Variants in ATP10D observed in about 807,000 individuals in gnomAD.
The protein encoded by ATP10D is phospholipid-transporting ATPase VD.
In ATP10D, 89 loss-of-function variants were observed where a neutral mutation model predicts 144.8. The ratio of observed to expected loss-of-function variants is 0.61; its 90% CI spans 0.52 to 0.73. ATP10D has a LOEUF of 0.73. Ranked by LOEUF, ATP10D falls within the 30% of genes least tolerant of loss-of-function variation. The probability of loss-of-function intolerance (pLI) is 0.00; values close to 1 mark genes in which losing one functional copy is unlikely to be tolerated. For synonymous variants in ATP10D, 571 were observed against 615.1 expected (o/e 0.93, Z 1.06); for missense variants, 1,603 against 1,714.8 (o/e 0.93, Z 1.15).
intron 1 of ATP10D, among the ~76,000 whole-genome samples, chr4:47,502,548 AT>A (rs750663498): frequency 6.7e-6 from 1 of 148,624 alleles, no homozygotes; most frequent in Non-Finnish European, 1.5e-5. Context: ...CATCCATAAA[AT>A]ATATATATAT....
chr4:47,558,978 C>T lies in ATP10D; in HGVS notation c.2490C>T (p.His830=). ...QMIVREKTQK[H]LDDYAKQGLR... The stretch of plus-strand genomic sequence containing the variant: ...TAGTAAGGGAGAAAACCCAGAAGCA[C>T]TTGGATGACTATGCCAAACAAGGCC... The change falls in exon 13 of 23, where the codon CAC becomes CAT. Residue 830 remains histidine, a synonymous_variant. Coordinates refer to ENST00000273859, the MANE Select transcript of ATP10D (RefSeq NM_020453.4). The T allele has an allele frequency of 6.2e-7, 1 of 1,614,154 alleles. No individual in the cohort carries two copies. Among genetic ancestry groups the T allele is most frequent in the Middle Eastern group, 1.7e-4 (1 of 6,042 alleles).
chr4:47,491,496 A>C, intron 1 of ATP10D: 1 of 630,196 alleles, frequency 1.6e-6, no homozygotes, highest in South Asian at 1.6e-5. Flanking sequence ...GGTTCTGGCC[A>C]AAAGGAAGTG....
At chr4:47,583,586 G>A (rs1720635760) in intron 21 of ATP10D, among the ~76,000 whole-genome samples, 2 of 152,118 alleles carry the variant, frequency 1.3e-5, no homozygotes, top group Non-Finnish European at 2.9e-5. Context: ...TGAAATATTT[G>A]GGATTGTTTT....
chr4:47,512,773 C>T lies in ATP10D; in HGVS notation c.233C>T (p.Thr78Ile). 1 of 1,613,302 alleles carries T rather than the reference C, an allele frequency of 6.2e-7. No homozygotes were observed. The highest frequency in any genetic ancestry group is 8.5e-7 in the Non-Finnish European group (1 of 1,179,228). ...GCCTATGTGAACAATCGAATACGAA[C>T]AACAAAGTACACACTTCTGAATTTT... The part of the protein sequence containing the change: ...SGAYVNNRIR[T>I]TKYTLLNFVP... Residue 78 changes from threonine to isoleucine, a missense_variant, in exon 2 of 23, where the codon ACA becomes ATA. Coordinates refer to ENST00000273859, the MANE Select transcript of ATP10D (RefSeq NM_020453.4).
chr4:47,487,021 A>G (rs1239123626), intron 1 of ATP10D, among the ~76,000 whole-genome samples: 1 of 152,160 alleles, frequency 6.6e-6, no homozygotes, highest in Non-Finnish European at 1.5e-5. Context: ...ACCTGAGGTC[A>G]GGAGTTCGAG....
intron 22 of ATP10D, among the ~76,000 whole-genome samples, chr4:47,589,003 G>A (rs1379060122): frequency 2.6e-5 from 4 of 152,136 alleles, no homozygotes; most frequent in Non-Finnish European, 5.9e-5. Flanking sequence ...GAGACAAAGA[G>A]ATTAGTTATC....
chr4:47,535,767 A>C, intron 6 of ATP10D, 135 bp from the exon 7 acceptor site: 1 of 1,333,638 alleles, frequency 7.5e-7, no homozygotes, highest in Non-Finnish European at 1.0e-6. Context: ...ATGGATCACA[A>C]AAGCAGATTG....
intron 10 of ATP10D, among the ~76,000 whole-genome samples, chr4:47,550,045 G>A (rs1718653391): frequency 1.3e-5 from 2 of 151,308 alleles, no homozygotes; most frequent in Admixed American, 1.3e-4. Context: ...TTAAGCCAAA[G>A]TTGCAGTGGT....
At chr4:47,578,587 C>A (rs1329263501) in intron 19 of ATP10D, 1 of 152,132 alleles carries the variant, frequency 6.6e-6, no homozygotes, top group Non-Finnish European at 1.5e-5. Flanking sequence ...CTTTGAGCAA[C>A]CTCTCTCTCC....
At chr4:47,581,587 A>C (rs535346509) in intron 20 of ATP10D, among the ~76,000 whole-genome samples, 1 of 152,288 alleles carries the variant, frequency 6.6e-6, no homozygotes, top group African/African-American at 2.4e-5. Context: ...GGACTTGAAG[A>C]CATATAGGAA....
chr4:47,544,057 T>G (rs976079600), intron 9 of ATP10D, among the ~76,000 whole-genome samples: 2 of 152,180 alleles, frequency 1.3e-5, no homozygotes, highest in Non-Finnish European at 2.9e-5. Context: ...AAATTGGCCC[T>G]GTTAACATAT....
In ATP10D at chr4:47,552,333, C is replaced by T. The variant is rs142386073; in HGVS notation, c.1636-2393C>T. Reference sequence around the variant, plus strand: ...GGCTGCCAGAACAAAATACCATAAACTGGGTAGCTTAGAAACAACAGAAAT... The same window carrying T: ...GGCTGCCAGAACAAAATACCATAAATTGGGTAGCTTAGAAACAACAGAAAT... On this transcript the variant is annotated intron_variant, in intron 10 of 22. Coordinates refer to ENST00000273859, the MANE Select transcript of ATP10D (RefSeq NM_020453.4). Among the ~76,000 whole-genome samples, 651 of 152,292 alleles carry T rather than the reference C, an allele frequency of 4.3e-3. 4 individuals carry two copies. The highest frequency in any genetic ancestry group is 0.015 in the African/African-American group (613 of 41,564).
intron 20 of ATP10D, 60 bp downstream of exon 20, chr4:47,580,538 T>C: frequency 6.8e-7 from 1 of 1,475,126 alleles, no homozygotes; most frequent in Non-Finnish European, 9.5e-7. Context: ...TTCTTTGTAC[T>C]TTGCCACCAA....
rs76855572 is a variant in ATP10D at position 47,547,127 on chromosome 4, T to C, written c.1635+265T>C. The C allele has an allele frequency of 1.4e-3, 620 of 453,236 alleles. 1 individual carries two copies. Among genetic ancestry groups the C allele is most frequent in the Non-Finnish European group, 2.2e-3 (548 of 249,416 alleles). 28.1% of individuals were successfully genotyped at this position (453,236 alleles called of 1,614,324 possible). A position where few individuals can be genotyped will look rare whatever the true frequency, so the allele number is the denominator to read the frequency against. ...GGAGAATATTTCTGGCCAGGGCTGA[T>C]TATGTGTGAGCCTGAAGAAGGCTGC... On this transcript the variant is annotated intron_variant, in intron 10 of 22. Coordinates refer to ENST00000273859, the MANE Select transcript of ATP10D (RefSeq NM_020453.4).
intron 9 of ATP10D, 131 bp from the exon 10 acceptor site, chr4:47,546,493 G>A: frequency 1.3e-6 from 1 of 769,496 alleles, no homozygotes; most frequent in Non-Finnish European, 2.2e-6. Context: ...GGCTATGGGA[G>A]GTAGGCCTTG....
intron 3 of ATP10D, among the ~76,000 whole-genome samples, chr4:47,516,814 T>A (rs372107093): frequency 9.5e-4 from 144 of 152,354 alleles, no homozygotes; most frequent in African/African-American, 3.3e-3. Flanking sequence ...ACATGTGTTG[T>A]ATTTTAAAAT....
chr4:47,536,746 T>C lies in ATP10D; in HGVS notation c.1204T>C (p.Phe402Leu). 6.2e-7 allele frequency: 1 copy of C among 1,613,428 alleles called. No homozygotes were observed. The highest frequency in any genetic ancestry group is 2.2e-5 in the East Asian group (1 of 44,868). The change falls in exon 9 of 23, where the codon TTC becomes CTC. Residue 402 changes from phenylalanine to leucine, a missense_variant. By Grantham distance (22) the Phe-to-Leu change is conservative. Coordinates refer to ENST00000273859, the MANE Select transcript of ATP10D (RefSeq NM_020453.4). ...AATTGTGAAGCTTGGACAAATATAT[T>C]TCATTCAAAGTGATGTGGATTTCTA... ...IEIVKLGQIYFIQSDVDFYNE... is the reference protein window; with the variant it reads ...IEIVKLGQIYLIQSDVDFYNE...
intron 1 of ATP10D, among the ~76,000 whole-genome samples, chr4:47,505,490 G>A (rs1354867115): frequency 2.0e-5 from 3 of 152,216 alleles, no homozygotes; most frequent in South Asian, 2.1e-4. Flanking sequence ...TTGGGAGGCC[G>A]AGGCAGGTGG....
intron 15 of ATP10D, among the ~76,000 whole-genome samples, chr4:47,565,862 C>T (rs1008994390): frequency 1.3e-5 from 2 of 152,130 alleles, no homozygotes; most frequent in Non-Finnish European, 2.9e-5. Flanking sequence ...GAAGTATTTA[C>T]TGAGTACCTA....
Sources: allele counts gnomAD v4.1 joint callset (sites outside exome capture counted in the v4.1 genomes callset), GRCh38; gene constraint gnomAD v4.1.1; transcripts MANE v1.5; gene names NCBI Gene and HGNC (gene_info 2026-07-23, HGNC 2026-07-21).